The following IDI2 variants were observed in gnomAD, a reference collection of about 807,000 sequenced individuals.
The protein encoded by IDI2 is isopentenyl-diphosphate delta isomerase 2.
In IDI2, 18 loss-of-function variants were observed where a neutral mutation model predicts 14.8. That is an observed-to-expected ratio of 1.22 (90% confidence interval 0.84 to 1.80). The LOEUF is 1.80. Among genes scored for constraint, IDI2 ranks in the 40% most tolerant of loss-of-function variants. The pLI is 0.00. For synonymous variants in IDI2, 133 were observed against 109.6 expected (o/e 1.21, Z -1.33); for missense variants, 316 against 283.2 (o/e 1.12, Z -0.83).
chr10:1,019,357 T>TA lies in IDI2; in HGVS notation c.*159dup. ...AAATAAGGAAAAGGGAAAATGAAGATATGACAAAGTTGATGAAAAGGTTGA... is the reference window on the plus strand; with the variant it reads ...AAATAAGGAAAAGGGAAAATGAAGATAATGACAAAGTTGATGAAAAGGTTGA... On this transcript the variant is annotated 3_prime_UTR_variant, in exon 5 of 5. Transcript: ENST00000277517. 1 of 566,004 alleles carries TA rather than the reference T, an allele frequency of 1.8e-6. No individual in the cohort carries two copies. Among genetic ancestry groups the TA allele is most frequent in the Non-Finnish European group, 3.1e-6 (1 of 323,820 alleles). 35.1% of individuals were successfully genotyped at this position (566,004 alleles called of 1,614,324 possible). A position where few individuals can be genotyped will look rare whatever the true frequency, so the allele number is the denominator to read the frequency against.
Position 1,024,745 on chromosome 10 carries a change from C to T in IDI2, c.-21-1G>A, listed in dbSNP as rs746826372. ...ACATAGCTGCTGGCTGTGACCCGAC[C>T]TGAAATAGATGCACACAAATGCCTC... On this transcript the variant is annotated splice_acceptor_variant, in intron 1 of 4. Coordinates refer to ENST00000277517, the MANE Select transcript of IDI2 (RefSeq NM_033261.3). LOFTEE classifies it low-confidence loss of function (5UTR_SPLICE). 5 of 1,613,494 alleles carry T rather than the reference C, an allele frequency of 3.1e-6. No individual in the cohort carries two copies. The Admixed American group carries it at 5.0e-5, about 16-fold the overall frequency.
Position 1,019,516 on chromosome 10 carries a change from C to T in IDI2, c.*1G>A. On this transcript the variant is annotated 3_prime_UTR_variant, in exon 5 of 5. Transcript: ENST00000277517. ...CATGGCTGACTCGACCTCCCTGCCT[C>T]TCACACTCTGTGTATTTTGTGAAGC... 1.2e-6 allele frequency: 2 copies of T among 1,610,356 alleles called. No homozygotes were observed. Among genetic ancestry groups the T allele is most frequent in the South Asian group, 2.2e-5 (2 of 90,818 alleles).
At chr10:1,025,256 AG>A (rs1416760864) in intron 1 of IDI2, among the ~76,000 whole-genome samples, 1 of 152,066 alleles carries the variant, frequency 6.6e-6, no homozygotes, top group Non-Finnish European at 1.5e-5. Context: ...AAATGTTTTC[AG>A]GGCCAGGAGC....
At chr10:1,021,739 G>A (rs573749918) in intron 3 of IDI2, among the ~76,000 whole-genome samples, 2 of 152,284 alleles carry the variant, frequency 1.3e-5, no homozygotes, top group South Asian at 4.1e-4. Flanking sequence ...CAAGGAGCCC[G>A]TGAGTACAAC....
At chr10:1,020,525 GCA>G (rs1250428926) in intron 4 of IDI2, among the ~76,000 whole-genome samples, 1 of 152,094 alleles carries the variant, frequency 6.6e-6, no homozygotes, top group East Asian at 1.9e-4. Context: ...ACAGATTCCT[GCA>G]CAGTCTCAAC....
At chr10:1,023,272 G>A (rs939627940) in intron 2 of IDI2, among the ~76,000 whole-genome samples, 6 of 152,078 alleles carry the variant, frequency 3.9e-5, no homozygotes, top group African/African-American at 9.7e-5. Context: ...TCAGAAGATC[G>A]AGACCACCCT....
chr10:1,022,687 A>G lies in IDI2; in HGVS notation c.231T>C (p.Phe77=). The G allele has an allele frequency of 6.2e-7, 1 of 1,612,830 alleles. No individual in the cohort carries two copies. Among genetic ancestry groups the G allele is most frequent in the Non-Finnish European group, 8.5e-7 (1 of 1,178,830 alleles). Residue 77 remains phenylalanine, a synonymous_variant, in exon 3 of 5, where the codon TTT becomes TTC. Transcript: ENST00000277517. ...IQQRSDTKVT[F]PGYFTDSCSS... ...GGCTTGGTTGAACGGACTCACCAGG[A>G]AACGTGACTTTCGTGTCCGACCTCT...
chr10:1,021,012 G>A (rs886996195), intron 3 of IDI2, 115 bp from the exon 4 acceptor site: 5 of 1,183,130 alleles, frequency 4.2e-6, no homozygotes, highest in Non-Finnish European at 4.7e-6. Flanking sequence ...AAGACAGCCT[G>A]GCGGGGGGAG....
chr10:1,023,921 C>T (rs548294144), intron 2 of IDI2, among the ~76,000 whole-genome samples: 41 of 152,248 alleles, frequency 2.7e-4, no homozygotes, highest in African/African-American at 8.9e-4. Flanking sequence ...ATCAAACTAT[C>T]ACATGTACCC....
chr10:1,019,056 T>C lies in IDI2; in HGVS notation c.*461A>G, dbSNP rs1832041814. The C allele has an allele frequency of 6.4e-6, 1 of 157,454 alleles. No individual in the cohort carries two copies. Among genetic ancestry groups the C allele is most frequent in the Non-Finnish European group, 1.4e-5 (1 of 71,398 alleles). 9.8% of individuals were successfully genotyped at this position (157,454 alleles called of 1,614,324 possible). On this transcript the variant is annotated 3_prime_UTR_variant, in exon 5 of 5. Coordinates refer to ENST00000277517, the MANE Select transcript of IDI2 (RefSeq NM_033261.3). ...GATGCAAGATTGAATGTGTCTTTTTTTTAAAAATGCAGCCTTGTGTTGCAC... is the reference window on the plus strand; with the variant it reads ...GATGCAAGATTGAATGTGTCTTTTTCTTAAAAATGCAGCCTTGTGTTGCAC...
chr10:1,019,902 GAAAAT>G (rs1278026481), intron 4 of IDI2, 68 bp from the exon 5 acceptor site: 10 of 1,121,588 alleles, frequency 8.9e-6, no homozygotes, highest in African/African-American at 1.6e-5. Context: ...GAAAAATAGA[GAAAAT>G]AAACACATTT....
chr10:1,020,594 C>CCATTCACAGCCCCATTCACAGCT, intron 4 of IDI2, among the ~76,000 whole-genome samples, 173 bp downstream of exon 4: 1 of 151,482 alleles, frequency 6.6e-6, no homozygotes, highest in South Asian at 2.1e-4. Context: ...ATTCACAGCC[C>CCATTCACAGCCCCATTCACAGCT]CATTCACAGC....
At chr10:1,021,675 C>T (rs1832104503) in intron 3 of IDI2, among the ~76,000 whole-genome samples, 1 of 152,204 alleles carries the variant, frequency 6.6e-6, no homozygotes, top group South Asian at 2.1e-4. Flanking sequence ...AGTTGACCCT[C>T]TTAACTTTGC....
intron 3 of IDI2, among the ~76,000 whole-genome samples, chr10:1,021,572 C>T (rs1477594092): frequency 6.6e-6 from 1 of 152,192 alleles, no homozygotes; most frequent in Non-Finnish European, 1.5e-5. Flanking sequence ...GCTGGTACTC[C>T]CACCTGCCCC....
chr10:1,022,839 T>A, intron 2 of IDI2, 64 bp from the exon 3 acceptor site: 1 of 1,255,686 alleles, frequency 8.0e-7, no homozygotes, highest in Non-Finnish European at 1.2e-6. Flanking sequence ...TCCTTCGTGC[T>A]TTTTGTCCTC....
At chr10:1,021,114 G>A (rs1832090200) in intron 3 of IDI2, among the ~76,000 whole-genome samples, 1 of 152,256 alleles carries the variant, frequency 6.6e-6, no homozygotes, top group Non-Finnish European at 1.5e-5. Context: ...ACCTGGCGGG[G>A]CTGGCCCTGA....
At chr10:1,025,446 C>A (rs1403514018) in intron 1 of IDI2, among the ~76,000 whole-genome samples, 2 of 150,746 alleles carry the variant, frequency 1.3e-5, no homozygotes, top group East Asian at 3.9e-4. Context: ...GAGGCTGAGG[C>A]AGGAGAATCA....
intron 3 of IDI2, 87 bp from the exon 4 acceptor site, chr10:1,020,984 A>G (rs1832086285): frequency 7.2e-7 from 1 of 1,395,678 alleles, no homozygotes; most frequent in Non-Finnish European, 9.8e-7. Flanking sequence ...ATGTAAAACC[A>G]TCATCCGTCA....
chr10:1,019,939 C>T, intron 4 of IDI2, 105 bp from the exon 5 acceptor site: 1 of 907,424 alleles, frequency 1.1e-6, no homozygotes. Context: ...AAAATGAACA[C>T]TTTCTTTGGT....
Sources: allele counts gnomAD v4.1 joint callset (sites outside exome capture counted in the v4.1 genomes callset), GRCh38; gene constraint gnomAD v4.1.1; transcripts MANE v1.5; gene names NCBI Gene and HGNC (gene_info 2026-07-23, HGNC 2026-07-21).